The following NFAT5 variants were observed in gnomAD, a reference collection of about 807,000 sequenced individuals.
The protein encoded by NFAT5 is nuclear factor of activated T cells 5.
NFAT5 carries 31 observed loss-of-function variants against 166.5 expected under a neutral mutation model. That is an observed-to-expected ratio of 0.19 (90% CI 0.14 to 0.25). The LOEUF (loss-of-function observed/expected upper bound fraction) is 0.25. NFAT5 is among the 10% of genes least tolerant of loss of function. The pLI, the probability that NFAT5 is intolerant of heterozygous loss-of-function variation, is 1.00. For synonymous variants in NFAT5, 612 were observed against 639.7 expected, an observed-to-expected ratio of 0.96 and a Z score of 0.65; for missense variants, 1,449 against 1,821.8, an observed-to-expected ratio of 0.80 and a Z score of 3.72.
chr16:69,694,727 A>C (rs1042930414), intron 13 of NFAT5, among the ~76,000 whole-genome samples: 2 of 152,240 alleles, frequency 1.3e-5, no homozygotes, highest in African/African-American at 4.8e-5. Flanking sequence ...AATGTATAAA[A>C]ATGTGTGTTT....
chr16:69,591,557 C>T (rs1331623400), intron 2 of NFAT5, among the ~76,000 whole-genome samples: 6 of 152,034 alleles, frequency 3.9e-5, no homozygotes, highest in Admixed American at 2.6e-4. Flanking sequence ...GCAAGATTAT[C>T]GTGAAGCTTC....
chr16:69,630,992 C>T (rs2034688110), intron 3 of NFAT5, among the ~76,000 whole-genome samples: 1 of 152,108 alleles, frequency 6.6e-6, no homozygotes. Context: ...AATCAAGTTA[C>T]TTTCTTGTTC....
intron 11 of NFAT5, among the ~76,000 whole-genome samples, chr16:69,688,447 C>T (rs1427390943): frequency 1.3e-5 from 2 of 152,050 alleles, no homozygotes; most frequent in African/African-American, 2.4e-5. Flanking sequence ...GTGGTCTCGG[C>T]TTACTGCAAC....
At chr16:69,604,175 A>G (rs1181943016) in intron 2 of NFAT5, among the ~76,000 whole-genome samples, 1 of 152,166 alleles carries the variant, frequency 6.6e-6, no homozygotes, top group Non-Finnish European at 1.5e-5. Context: ...TGGGATTTAA[A>G]TGGAGGCAAT....
At chr16:69,669,325 G>A (rs1476010618) in intron 7 of NFAT5, among the ~76,000 whole-genome samples, 3 of 152,138 alleles carry the variant, frequency 2.0e-5, no homozygotes, top group African/African-American at 7.2e-5. Context: ...AGGCCAAGGT[G>A]GGTGGATCAC....
chr16:69,650,063 A>G (rs1471384740), intron 4 of NFAT5, among the ~76,000 whole-genome samples: 2 of 152,036 alleles, frequency 1.3e-5, no homozygotes, highest in African/African-American at 4.8e-5. Flanking sequence ...TGTCTCTTCT[A>G]GATATTTCTA....
intron 7 of NFAT5, 90 bp downstream of exon 7, chr16:69,659,989 A>T (rs182708469): frequency 8.7e-7 from 1 of 1,154,500 alleles, no homozygotes; most frequent in East Asian, 2.4e-5. Context: ...TAGATATTTC[A>T]TATGCTCCGG....
intron 7 of NFAT5, among the ~76,000 whole-genome samples, chr16:69,663,659 C>T (rs1165205530): frequency 6.6e-6 from 1 of 151,536 alleles, no homozygotes; most frequent in Non-Finnish European, 1.5e-5. Flanking sequence ...TGCTTGAAGC[C>T]AGGAGTTGGA....
chr16:69,644,324 T>C (rs996177019), intron 3 of NFAT5, among the ~76,000 whole-genome samples: 1 of 152,182 alleles, frequency 6.6e-6, no homozygotes, highest in Admixed American at 6.5e-5. Context: ...AAAAATTATT[T>C]CATTTGTCTT....
rs1445985386 is a variant in NFAT5, at chr16:69,661,938, A to G, written c.1369+2039A>G. Among the ~76,000 whole-genome samples, 3 of 152,308 alleles carry G rather than the reference A, an allele frequency of 2.0e-5. No individual in the cohort carries two copies. The East Asian group carries it at 5.8e-4, about 29-fold the overall frequency. ...CATATATGTGTATATAAAATTGTAT[A>G]TAGGCCAGGCGTGGGAGCTCACACC... On this transcript the variant is annotated intron_variant, in intron 7 of 14. Transcript: ENST00000349945.
intron 2 of NFAT5, among the ~76,000 whole-genome samples, chr16:69,575,916 A>T (rs2016719538): frequency 6.6e-6 from 1 of 152,120 alleles, no homozygotes. Context: ...TAATTTTCCC[A>T]AGGGCACATA....
chr16:69,591,940 A>C (rs2032484348), intron 2 of NFAT5, among the ~76,000 whole-genome samples: 1 of 152,166 alleles, frequency 6.6e-6, no homozygotes, highest in Non-Finnish European at 1.5e-5. Flanking sequence ...GATTTAAAAA[A>C]AAATTACAAA....
chr16:69,605,355 G>T (rs543158632), intron 2 of NFAT5, among the ~76,000 whole-genome samples: 1 of 152,062 alleles, frequency 6.6e-6, no homozygotes, highest in Admixed American at 6.5e-5. Context: ...TAGGAGAATC[G>T]CTTGAACCCA....
intron 3 of NFAT5, among the ~76,000 whole-genome samples, chr16:69,634,277 C>CAAAAAAAA (rs745354566): frequency 1.2e-5 from 1 of 84,952 alleles, no homozygotes. Flanking sequence ...TTCCGACTCA[C>CAAAAAAAA]AAAAAAAAAA....
Position 69,693,974 on chromosome 16 carries a change from T to C in NFAT5, c.4149T>C (p.Pro1383=). The part of the protein sequence containing the change: ...SPQIQLVQGS[P]SSQEQQVTLF... ...AGATTCAGTTGGTACAAGGGTCACC[T>C]AGTTCTCAAGAGCAGCAAGTAACTC... The change falls in exon 13 of 15, where the codon CCT becomes CCC. Residue 1383 remains proline, a synonymous_variant. Transcript: ENST00000349945. 6.2e-7 allele frequency: 1 copy of C among 1,614,214 alleles called. No homozygotes were observed.
intron 11 of NFAT5, among the ~76,000 whole-genome samples, chr16:69,688,690 A>G (rs1347793678): frequency 1.3e-5 from 2 of 152,142 alleles, no homozygotes; most frequent in African/African-American, 2.4e-5. Flanking sequence ...TTATAGGATT[A>G]ACCAAACAAT....
intron 2 of NFAT5, among the ~76,000 whole-genome samples, chr16:69,582,492 C>G (rs1171796749): frequency 6.6e-6 from 1 of 151,260 alleles, no homozygotes; most frequent in Non-Finnish European, 1.5e-5. Context: ...AATCTTAGCT[C>G]TTACATTTAG....
rs907843155 is a variant in NFAT5, at chr16:69,566,654, C to T, written c.73+280C>T. Among the ~76,000 whole-genome samples, 1 of 151,936 alleles carries T rather than the reference C, an allele frequency of 6.6e-6. No individual in the cohort carries two copies. The highest frequency in any genetic ancestry group is 1.5e-5 in the Non-Finnish European group (1 of 67,930). On this transcript the variant is annotated intron_variant, in intron 1 of 14. Coordinates refer to ENST00000349945, the MANE Select transcript of NFAT5 (RefSeq NM_138713.4). This position sits in a 1 kb window ranked among gnomAD's most constrained non-coding sequence, Gnocchi z 5.7. The stretch of plus-strand genomic sequence containing the variant: ...GCGGCACCGGTCGCTTCTAGCCGCT[C>T]TCAGCCCGTCCGGCCCCGCCAGGCT...
chr16:69,676,249 C>T (rs2036829168), intron 9 of NFAT5, among the ~76,000 whole-genome samples: 1 of 152,158 alleles, frequency 6.6e-6, no homozygotes, highest in Admixed American at 6.5e-5. Flanking sequence ...AAATATGGCT[C>T]ATATTACCCT....
Sources: gnomAD v4.1 joint callset for allele counts (sites outside exome capture counted in the v4.1 genomes callset) on GRCh38, gnomAD v4.1.1 for gene constraint, Gnocchi (gnomAD v3.1) non-coding constraint, MANE v1.5 for transcripts, NCBI Gene and HGNC (gene_info 2026-07-23, HGNC 2026-07-21) for gene names.